NPFFR2: variants seen among roughly 807,000 people sequenced by gnomAD.
The protein encoded by NPFFR2 is G-protein coupled receptor 74.
A neutral mutation model predicts 13.1 loss-of-function variants in NPFFR2; 15 were observed. The observed-to-expected ratio is 1.15, with a 90% CI of 0.77 to 1.76. NPFFR2 has a LOEUF of 1.76. NPFFR2 is among the 40% of genes most tolerant of loss of function. The probability of loss-of-function intolerance (pLI) is 0.00; values close to 1 mark genes in which losing one functional copy is unlikely to be tolerated. For synonymous variants in NPFFR2, 190 were observed against 175.7 expected, an observed-to-expected ratio of 1.08 and a Z score of -0.65; for missense variants, 572 against 503.5, an observed-to-expected ratio of 1.14 and a Z score of -1.30.
At chr4:72,050,012 T>C (rs1719496598) in intron 1 of NPFFR2, among the ~76,000 whole-genome samples, 1 of 151,892 alleles carries the variant, frequency 6.6e-6, no homozygotes, top group African/African-American at 2.4e-5. Flanking sequence ...GATTAGAGGG[T>C]TGGAATTTTT....
intron 1 of NPFFR2, among the ~76,000 whole-genome samples, chr4:72,110,771 G>A (rs1482182926): frequency 2.6e-5 from 4 of 151,878 alleles, no homozygotes; most frequent in East Asian, 1.9e-4. Context: ...CTGGTTTCGG[G>A]TGCATCTAAT....
chr4:72,050,089 A>G (rs1321592869), intron 1 of NPFFR2, among the ~76,000 whole-genome samples: 1 of 152,010 alleles, frequency 6.6e-6, no homozygotes, highest in Admixed American at 6.6e-5. Context: ...TTAGTGGCCA[A>G]TGATTTAACA....
chr4:72,098,643 G>T (rs182759783), intron 1 of NPFFR2, among the ~76,000 whole-genome samples: 242 of 152,200 alleles, frequency 1.6e-3, no homozygotes, highest in Admixed American at 2.8e-3. Flanking sequence ...TACAACAATA[G>T]AATTTTCTTT....
At chr4:72,139,154 A>T (rs755875192) in intron 3 of NPFFR2, among the ~76,000 whole-genome samples, 65 of 152,226 alleles carry the variant, frequency 4.3e-4, no homozygotes, top group Middle Eastern at 3.4e-3. Context: ...GATTCTGGAT[A>T]TTAGCCCTTT....
intron 1 of NPFFR2, among the ~76,000 whole-genome samples, chr4:72,086,936 T>C (rs1174498356): frequency 6.6e-6 from 1 of 152,092 alleles, no homozygotes; most frequent in Non-Finnish European, 1.5e-5. Context: ...GCACATTTAA[T>C]AATAATAAAG....
intron 1 of NPFFR2, among the ~76,000 whole-genome samples, chr4:72,038,243 T>C (rs1719094384): frequency 6.6e-6 from 1 of 152,226 alleles, no homozygotes; most frequent in Non-Finnish European, 1.5e-5. Context: ...CAGTATTGTC[T>C]GATTTGTGTC....
intron 1 of NPFFR2, chr4:72,068,860 T>C: frequency 3.4e-6 from 1 of 292,920 alleles, no homozygotes; most frequent in Non-Finnish European, 5.9e-6. Context: ...TTTTATCTTA[T>C]CTTTTTTCCT....
At chr4:72,118,056 AG>A (rs1161137805) in intron 1 of NPFFR2, among the ~76,000 whole-genome samples, 1 of 152,182 alleles carries the variant, frequency 6.6e-6, no homozygotes, top group Admixed American at 6.5e-5. Flanking sequence ...ATATGGAGGA[AG>A]GAAAGGAAAA....
In NPFFR2 at chr4:72,148,099, A is replaced by G. The variant is rs1722846393; in HGVS notation, c.*287A>G. On this transcript the variant is annotated 3_prime_UTR_variant, in exon 4 of 4. Transcript: ENST00000308744. The stretch of plus-strand genomic sequence containing the variant: ...TCTTTCCAAACTTAACCATTTGTGT[A>G]TGCGTCAAATCAAGCCTGCACGCGT... The G allele has an allele frequency of 3.4e-6, 1 of 291,068 alleles. No individual in the cohort carries two copies. Among genetic ancestry groups the G allele is most frequent in the South Asian group, 7.8e-5 (1 of 12,828 alleles). 18.0% of individuals were successfully genotyped at this position (291,068 alleles called of 1,614,324 possible). A position where few individuals can be genotyped will look rare whatever the true frequency, so the allele number is the denominator to read the frequency against.
intron 1 of NPFFR2, among the ~76,000 whole-genome samples, chr4:72,036,910 T>C (rs902135193): frequency 2.0e-5 from 3 of 152,202 alleles, no homozygotes; most frequent in Admixed American, 1.3e-4. Context: ...CATGACCTTA[T>C]GATTCTCATA....
At chr4:72,132,130 G>GT (rs796254519) in intron 2 of NPFFR2, among the ~76,000 whole-genome samples, 5,560 of 134,430 alleles carry the variant, frequency 0.041, 316 homozygotes, top group African/African-American at 0.16. Context: ...GTACCCATTG[G>GT]TTTTTTTTTT....
chr4:72,081,499 T>TC (rs944185664), intron 1 of NPFFR2, among the ~76,000 whole-genome samples: 1 of 151,520 alleles, frequency 6.6e-6, no homozygotes, highest in Non-Finnish European at 1.5e-5. Context: ...TTGTTTTTTT[T>TC]TTTTTTGAGA....
At chr4:72,084,663 C>T (rs1289334991) in intron 1 of NPFFR2, among the ~76,000 whole-genome samples, 1 of 152,114 alleles carries the variant, frequency 6.6e-6, no homozygotes, top group Non-Finnish European at 1.5e-5. Flanking sequence ...ACAATGTCAA[C>T]TTTTCATCTC....
chr4:72,080,337 G>C (rs1560404948), intron 1 of NPFFR2, among the ~76,000 whole-genome samples: 1 of 151,816 alleles, frequency 6.6e-6, no homozygotes, highest in Non-Finnish European at 1.5e-5. Context: ...GCTAATTTTT[G>C]TATTTTTAGT....
chr4:72,068,882 G>T, intron 1 of NPFFR2: 8 of 597,330 alleles, frequency 1.3e-5, no homozygotes, highest in Non-Finnish European at 2.2e-5. Context: ...CATGGCTCTA[G>T]ACACATATGG....
intron 2 of NPFFR2, among the ~76,000 whole-genome samples, chr4:72,135,326 G>C (rs1722377014): frequency 1.3e-5 from 2 of 151,896 alleles, no homozygotes; most frequent in African/African-American, 4.8e-5. Flanking sequence ...TTTAATCTTA[G>C]GGAATTTTCT....
intron 1 of NPFFR2, among the ~76,000 whole-genome samples, chr4:72,032,530 C>T (rs1718952501): frequency 6.6e-6 from 1 of 152,214 alleles, no homozygotes; most frequent in Admixed American, 6.5e-5. Context: ...GTTGAATTTC[C>T]TTAGCGGGTC....
chr4:72,101,327 T>C (rs906587605), intron 1 of NPFFR2, among the ~76,000 whole-genome samples: 3 of 151,920 alleles, frequency 2.0e-5, no homozygotes, highest in East Asian at 1.9e-4. Flanking sequence ...CATATCGATA[T>C]TGAATATCAA....
intron 1 of NPFFR2, among the ~76,000 whole-genome samples, chr4:72,113,464 G>A (rs1359289782): frequency 6.6e-6 from 1 of 151,928 alleles, no homozygotes; most frequent in East Asian, 1.9e-4. Flanking sequence ...ACATTCCATT[G>A]CATCAAAGAT....
Sources: allele counts gnomAD v4.1 joint callset (sites outside exome capture counted in the v4.1 genomes callset), GRCh38; gene constraint gnomAD v4.1.1; transcripts MANE v1.5; gene names NCBI Gene and HGNC (gene_info 2026-07-23, HGNC 2026-07-21).